LRCH1: variants seen among roughly 807,000 people sequenced by gnomAD.
LRCH1 encodes the protein leucine-rich repeat and calponin homology domain-containing protein 1.
Under a neutral mutation model 94.9 loss-of-function variants are expected in LRCH1, and 23 were observed. The observed-to-expected ratio is 0.24, with a 90% CI of 0.17 to 0.34. The LOEUF is 0.34. LRCH1 is among the 10% of genes least tolerant of loss of function. The pLI is 1.00. For synonymous variants in LRCH1, 364 were observed against 354.9 expected (o/e 1.03, Z -0.29); for missense variants, 790 against 945.9 (o/e 0.84, Z 2.16).
At chr13:46,632,392 C>T (rs2051029447) in intron 1 of LRCH1, among the ~76,000 whole-genome samples, 1 of 152,152 alleles carries the variant, frequency 6.6e-6, no homozygotes, top group East Asian at 1.9e-4. Context: ...TGTGTGGTCA[C>T]AGTAATTGCC....
intron 3 of LRCH1, among the ~76,000 whole-genome samples, chr13:46,675,395 A>G (rs1165147959): frequency 6.6e-6 from 1 of 152,140 alleles, no homozygotes; most frequent in East Asian, 1.9e-4. Context: ...GCAGTGTGTG[A>G]AAATCATGTC....
Position 46,585,449 on chromosome 13 carries a change from C to T in LRCH1, c.307+31746C>T, listed in dbSNP as rs12584986. 2.2e-4 allele frequency among the ~76,000 whole-genome samples: 34 copies of T among 151,156 alleles called. No homozygotes were observed. The East Asian group carries it at 5.5e-3, about 24-fold the overall frequency. Reference sequence around the variant, plus strand: ...AAAATTAGCCAGGCATAGTGGTGGGCGCCTGTAGTCCCAGCTACTCGTGAA... The same window carrying T: ...AAAATTAGCCAGGCATAGTGGTGGGTGCCTGTAGTCCCAGCTACTCGTGAA... On this transcript the variant is annotated intron_variant, in intron 1 of 19. Transcript: ENST00000389797.
intron 13 of LRCH1, among the ~76,000 whole-genome samples, chr13:46,709,251 C>T (rs1871932922): frequency 6.6e-6 from 1 of 152,190 alleles, no homozygotes; most frequent in South Asian, 2.1e-4. Flanking sequence ...CTAATATCCT[C>T]CTAAAGTAGG....
chr13:46,633,256 A>G (rs2051040439), intron 1 of LRCH1, among the ~76,000 whole-genome samples: 1 of 152,226 alleles, frequency 6.6e-6, no homozygotes, highest in Non-Finnish European at 1.5e-5. Flanking sequence ...TTCTCAATAA[A>G]CATAGTAGTT....
chr13:46,705,037 T>C (rs749504328), intron 11 of LRCH1, 31 bp from the exon 12 acceptor site: 1 of 1,187,160 alleles, frequency 8.4e-7, no homozygotes, highest in African/African-American at 1.5e-5. Context: ...GTTTAATACG[T>C]TTACTAATAT....
intron 4 of LRCH1, among the ~76,000 whole-genome samples, chr13:46,682,310 G>T (rs1417181064): frequency 6.6e-6 from 1 of 152,084 alleles, no homozygotes; most frequent in African/African-American, 2.4e-5. Flanking sequence ...GCACATGTCT[G>T]TGTCCTAATC....
At chr13:46,643,219 T>C (rs1941600182) in intron 1 of LRCH1, among the ~76,000 whole-genome samples, 3 of 152,242 alleles carry the variant, frequency 2.0e-5, no homozygotes, top group Non-Finnish European at 2.9e-5. Flanking sequence ...TTTCCTGTTA[T>C]CTATGAGCTC....
chr13:46,753,025 T>G (rs912124), exon 19 of LRCH1: 1 of 151,646 alleles, frequency 6.6e-6, no homozygotes, highest in African/African-American at 2.4e-5. Flanking sequence ...GCCATTAAAA[T>G]CTTGGATTTG....
intron 19 of LRCH1, among the ~76,000 whole-genome samples, chr13:46,739,809 C>G (rs1403650275): frequency 6.6e-6 from 1 of 152,144 alleles, no homozygotes; most frequent in Non-Finnish European, 1.5e-5. Context: ...TTTAATTAAG[C>G]CCAGAGTCTG....
At chr13:46,714,144 G>C (rs1178973281) in intron 15 of LRCH1, among the ~76,000 whole-genome samples, 6 of 152,082 alleles carry the variant, frequency 3.9e-5, no homozygotes, top group African/African-American at 9.7e-5. Flanking sequence ...CTTTTATTTT[G>C]AATAGCAGAA....
chr13:46,697,369 C>A (rs896682069), intron 9 of LRCH1, among the ~76,000 whole-genome samples: 1 of 152,106 alleles, frequency 6.6e-6, no homozygotes, highest in African/African-American at 2.4e-5. Context: ...ACAACCATAC[C>A]TTATTTAACA....
At chr13:46,671,153 C>T (rs1237574093) in intron 3 of LRCH1, among the ~76,000 whole-genome samples, 3 of 152,222 alleles carry the variant, frequency 2.0e-5, no homozygotes, top group Non-Finnish European at 4.4e-5. Context: ...GCACACATCA[C>T]TCTTTCGTCA....
intron 13 of LRCH1, among the ~76,000 whole-genome samples, chr13:46,711,138 C>T (rs1872041599): frequency 6.6e-6 from 1 of 152,174 alleles, no homozygotes; most frequent in South Asian, 2.1e-4. Flanking sequence ...TAAACTGATA[C>T]TATCAACTTC....
intron 15 of LRCH1, among the ~76,000 whole-genome samples, chr13:46,713,071 T>C (rs1872153874): frequency 1.3e-5 from 2 of 152,214 alleles, no homozygotes; most frequent in Admixed American, 6.5e-5. Context: ...TGGTCAGGAG[T>C]TACTTTTTTA....
intron 11 of LRCH1, among the ~76,000 whole-genome samples, chr13:46,701,864 G>A (rs1260601166): frequency 1.3e-5 from 2 of 152,174 alleles, no homozygotes; most frequent in East Asian, 1.9e-4. Flanking sequence ...AGAGGACTTG[G>A]TAAACTGATG....
chr13:46,734,161 T>C (rs1873254831), intron 19 of LRCH1, among the ~76,000 whole-genome samples, 163 bp downstream of exon 19: 2 of 152,162 alleles, frequency 1.3e-5, no homozygotes, highest in Admixed American at 6.5e-5. Context: ...ACTTGCTCTA[T>C]TGCAGTGAAA....
At position 46,553,536 on chromosome 13, in the gene LRCH1, G is replaced by T; in HGVS notation, c.140G>T (p.Gly47Val). ...ACCGGCGCCCCCGGCGGGGCGGGTG[G>T]TGGCGGCGGTGGCAGCGGGGGCTTC... ...GGTGAPGGAG[G>V]GGGGSGGFNL... The change falls in exon 1 of 20, where the codon GGT becomes GTT. Residue 47 changes from glycine (G) to valine (V), a missense_variant. Physicochemically the swap from Gly to Val is moderately radical, Grantham distance 109. This residue lies in a region of LRCH1 where 136 missense variants were observed against 143.5 expected (regional missense o/e 0.95). Transcript: ENST00000389797. 3 of 1,546,406 alleles carry T rather than the reference G, an allele frequency of 1.9e-6. No homozygotes were observed. Among genetic ancestry groups the T allele is most frequent in the Non-Finnish European group, 2.6e-6 (3 of 1,144,602 alleles).
chr13:46,629,239 C>T (rs887722458), intron 1 of LRCH1, among the ~76,000 whole-genome samples: 1 of 152,162 alleles, frequency 6.6e-6, no homozygotes. Context: ...AAAAAGACAC[C>T]TTTCTGCAGT....
At chr13:46,715,825 T>C (rs866953457) in intron 16 of LRCH1, among the ~76,000 whole-genome samples, 161 bp downstream of exon 16, 3 of 152,148 alleles carry the variant, frequency 2.0e-5, no homozygotes, top group Non-Finnish European at 4.4e-5. Flanking sequence ...AAAGTGCACG[T>C]GGATTGTTCT....
Sources: allele counts gnomAD v4.1 joint callset (sites outside exome capture counted in the v4.1 genomes callset), GRCh38; gene constraint gnomAD v4.1.1; regional missense constraint gnomAD v4.1.1; transcripts MANE v1.5; gene names NCBI Gene and HGNC (gene_info 2026-07-23, HGNC 2026-07-21).